Variants in APOL2 observed in about 807,000 individuals in gnomAD.
APOL2 encodes apolipoprotein L, 2.
In APOL2, 8 loss-of-function variants were observed where a neutral mutation model predicts 7.1. That is an observed-to-expected ratio of 1.12 (90% CI 0.66 to 2.03). The LOEUF (loss-of-function observed/expected upper bound fraction) is 2.03, where lower values mean the gene tolerates loss of function less well. Ranked by LOEUF, APOL2 falls within the 30% of genes most tolerant of loss-of-function variation. The pLI, the probability that APOL2 is intolerant of heterozygous loss-of-function variation, is 0.00. For missense variants in APOL2, 471 were observed against 415.1 expected, an observed-to-expected ratio of 1.13 and a Z score of -1.17; for synonymous variants, 177 against 159.9, an observed-to-expected ratio of 1.11 and a Z score of -0.81.
At chr22:36,237,901 C>T (rs1019985841) in intron 1 of APOL2, among the ~76,000 whole-genome samples, 7 of 152,302 alleles carry the variant, frequency 4.6e-5, no homozygotes, top group Non-Finnish European at 1.0e-4. Flanking sequence ...ACTCCCATCC[C>T]CAGCCTCAGG....
chr22:36,231,863 C>T (rs2015237827), intron 3 of APOL2, among the ~76,000 whole-genome samples: 2 of 152,226 alleles, frequency 1.3e-5, no homozygotes, highest in Admixed American at 1.3e-4. Flanking sequence ...ATTTAATAAA[C>T]CATCAAAGAC....
At chr22:36,230,861 G>C (rs929150610) in intron 4 of APOL2, among the ~76,000 whole-genome samples, 1 of 152,154 alleles carries the variant, frequency 6.6e-6, no homozygotes, top group Non-Finnish European at 1.5e-5. Flanking sequence ...ATATTGTTTA[G>C]GTTAGGATTT....
Position 36,237,019 on chromosome 22 carries a change from G to A in APOL2, c.-134+2422C>T, listed in dbSNP as rs5995266. The A allele has an allele frequency of 4.4e-3, 6,265 of 1,429,468 alleles. 233 individuals carry two copies. The African/African-American group carries it at 0.082, about 19-fold the overall frequency. 88.5% of individuals were successfully genotyped at this position (1,429,468 alleles called of 1,614,324 possible). ...CATGAGAACCAGGAGGACCAGGAGG[G>A]AGAAGAGGAGCAGGAGGGCAGACAG... On this transcript the variant is annotated intron_variant, in intron 1 of 4. Transcript: ENST00000358502.
chr22:36,237,381 G>A (rs2157251), intron 1 of APOL2: 1 of 1,265,334 alleles, frequency 7.9e-7, no homozygotes, highest in Non-Finnish European at 1.0e-6. Context: ...AGGGAAAGAG[G>A]AGTCGAAATG....
rs867078827 is a variant in APOL2, at chr22:36,226,570, C to A, written c.*834G>T. On this transcript the variant is annotated 3_prime_UTR_variant, in exon 5 of 5. Coordinates refer to ENST00000358502, the MANE Select transcript of APOL2 (RefSeq NM_030882.4). ...GAAGCCACTGGCTGACTGTGATACA[C>A]CCCCAGAAGGACAAGGGAGAGTGGA... The A allele has an allele frequency of 6.6e-6, 1 of 152,544 alleles. No individual in the cohort carries two copies. Among genetic ancestry groups the A allele is most frequent in the Admixed American group, 6.5e-5 (1 of 15,282 alleles). 9.4% of individuals were successfully genotyped at this position (152,544 alleles called of 1,614,324 possible). A position where few individuals can be genotyped will look rare whatever the true frequency, so the allele number is the denominator to read the frequency against.
intron 1 of APOL2, chr22:36,236,890 A>G (rs968911277): frequency 1.6e-6 from 2 of 1,281,008 alleles, no homozygotes; most frequent in Admixed American, 3.9e-5. Flanking sequence ...TCTTGCTGTA[A>G]GGGACGGGGT....
At position 36,227,500 on chromosome 22, in the gene APOL2, T is replaced by C; in HGVS notation, c.918A>G (p.Ser306=). The change falls in exon 5 of 5, where the codon TCA becomes TCG. Residue 306 remains serine, a synonymous_variant. Transcript: ENST00000358502. ...KHLLEGAKSE[S]AEELKKRAQE... is the part of the protein sequence containing the mutation. ...GAGCCCGCTTCTTCAGCTCCTCAGC[T>C]GACTCTGACTTTGCCCCCTCAAGCA... is the stretch of plus-strand genomic sequence containing the variant. The C allele has an allele frequency of 6.2e-7, 1 of 1,614,168 alleles. No individual in the cohort carries two copies. Among genetic ancestry groups the C allele is most frequent in the Admixed American group, 1.7e-5 (1 of 60,020 alleles).
intron 4 of APOL2, among the ~76,000 whole-genome samples, chr22:36,229,844 C>T (rs552938009): frequency 1.2e-4 from 18 of 152,342 alleles, no homozygotes; most frequent in South Asian, 2.1e-4. Context: ...GCCCTTTCAC[C>T]TGGCTGAAGG....
rs774097070 is a variant in APOL2, at chr22:36,233,241, C to T, written c.-79G>A. On this transcript the variant is annotated splice_region_variant and 5_prime_UTR_variant, in exon 3 of 5. Coordinates refer to ENST00000358502, the MANE Select transcript of APOL2 (RefSeq NM_030882.4). ...TCCAGACTGGAAGGTTTTCCTTAAC[C>T]CTTGAGAACGAGAAAACAAATTGTG... 6.2e-7 allele frequency: 1 copy of T among 1,613,862 alleles called. No individual in the cohort carries two copies. The highest frequency in any genetic ancestry group is 8.5e-7 in the Non-Finnish European group (1 of 1,179,970).
chr22:36,233,477 A>G, intron 1 of APOL2, 22 bp from the exon 2 acceptor site: 1 of 1,547,140 alleles, frequency 6.5e-7, no homozygotes, highest in South Asian at 1.2e-5. Flanking sequence ...TGAGAAGAAG[A>G]TAATCAGAGG....
intron 4 of APOL2, among the ~76,000 whole-genome samples, chr22:36,231,037 C>T (rs1026125599): frequency 1.3e-5 from 2 of 152,206 alleles, no homozygotes; most frequent in African/African-American, 4.8e-5. Context: ...TCATTTTTCT[C>T]ATAATAAAAC....
chr22:36,232,382 G>A (rs1260582511), intron 3 of APOL2, among the ~76,000 whole-genome samples: 1 of 152,234 alleles, frequency 6.6e-6, no homozygotes, highest in South Asian at 2.1e-4. Context: ...TGCAGGGCGG[G>A]TGCCCTAACA....
intron 4 of APOL2, among the ~76,000 whole-genome samples, chr22:36,229,381 TA>T (rs139665578): frequency 0.22 from 33,945 of 152,066 alleles, 4,012 homozygotes; most frequent in African/African-American, 0.26. Flanking sequence ...CAATCCTGAA[TA>T]AAGGCTTCAT....
intron 3 of APOL2, 100 bp from the exon 4 acceptor site, chr22:36,231,566 T>A: frequency 7.0e-7 from 1 of 1,428,016 alleles, no homozygotes; most frequent in Non-Finnish European, 9.7e-7. Context: ...CCTGGACAAC[T>A]GTGATGTGGG....
chr22:36,228,225 T>A lies in APOL2; in HGVS notation c.193A>T (p.Met65Leu), dbSNP rs745951354. The change falls in exon 5 of 5, where the codon ATG (methionine) becomes TTG (leucine). Residue 65 changes from methionine (M) to leucine (L), a missense_variant. Transcript: ENST00000358502. ...TTATCGTGGCGGTTTTTGTCCTTCA[T>A]GACCATGTGACTTGCAAGCTTGTTC... is the stretch of plus-strand genomic sequence containing the variant. ...ALNKLASHMV[M>L]KDKNRHDKDQ... 3 of 1,614,114 alleles carry A rather than the reference T, an allele frequency of 1.9e-6. No individual in the cohort carries two copies. Among genetic ancestry groups the A allele is most frequent in the Non-Finnish European group, 2.5e-6 (3 of 1,180,036 alleles).
intron 4 of APOL2, among the ~76,000 whole-genome samples, chr22:36,230,808 T>C (rs1377291143): frequency 3.3e-5 from 5 of 152,184 alleles, no homozygotes; most frequent in Non-Finnish European, 7.4e-5. Context: ...TGTGGAATTC[T>C]TCAGATGAGA....
rs140000575 is a variant in APOL2 at position 36,231,687 on chromosome 22, G to A, written c.11-221C>T. On this transcript the variant is annotated intron_variant, in intron 3 of 4. Transcript: ENST00000358502. The stretch of plus-strand genomic sequence containing the variant: ...ATTTGAAGATTGGGCCTTTAAGGAA[G>A]CAATTAAGACTGAATGAGATCACAA... Among the ~76,000 whole-genome samples, 1,282 of 152,270 alleles carry A rather than the reference G, an allele frequency of 8.4e-3. 11 individuals are homozygous for A. The highest frequency in any genetic ancestry group is 0.011 in the Non-Finnish European group (717 of 68,020).
Position 36,227,622 on chromosome 22 carries a change from G to A in APOL2, c.796C>T (p.Gln266Ter). ...ATCATGGTTCCTCTGCTCATTGCCT[G>A]GGCGGGGCCTTCAACAACCCTCTCA... is the stretch of plus-strand genomic sequence containing the variant. ...QVERVVEGPA[Q>*]AMSRGTMIVG... Residue 266 changes from glutamine to a stop codon, truncating the protein, a stop_gained, in exon 5 of 5, where the codon CAG becomes TAG. Transcript: ENST00000358502. LOFTEE classifies it low-confidence loss of function (END_TRUNC). 6.2e-7 allele frequency: 1 copy of A among 1,614,246 alleles called. No homozygotes were observed. Among genetic ancestry groups the A allele is most frequent in the East Asian group, 2.2e-5 (1 of 44,886 alleles).
chr22:36,232,982 C>A (rs1392348879), intron 3 of APOL2, among the ~76,000 whole-genome samples, 171 bp downstream of exon 3: 1 of 152,068 alleles, frequency 6.6e-6, no homozygotes, highest in East Asian at 1.9e-4. Context: ...ATGCAGATGA[C>A]CCCCAGACCC....
Sources: gnomAD v4.1 joint callset for allele counts (sites outside exome capture counted in the v4.1 genomes callset) on GRCh38, gnomAD v4.1.1 for gene constraint, MANE v1.5 for transcripts, NCBI Gene and HGNC (gene_info 2026-07-23, HGNC 2026-07-21) for gene names.